Variants in ERC1 observed in about 807,000 individuals in gnomAD.
ERC1 encodes RAB6 interacting protein 2.
Under a neutral mutation model 132.0 loss-of-function variants are expected in ERC1, and 56 were observed. That is an observed-to-expected ratio of 0.42 (90% confidence interval 0.34 to 0.53). The LOEUF (loss-of-function observed/expected upper bound fraction) is 0.53. Among genes scored for constraint, ERC1 ranks in the 20% least tolerant of loss-of-function variants. The pLI, the probability that ERC1 is intolerant of heterozygous loss-of-function variation, is 0.03. For synonymous variants in ERC1, 478 were observed against 476.1 expected (o/e 1.00, Z -0.05); for missense variants, 1,202 against 1,349.9 (o/e 0.89, Z 1.72).
intron 15 of ERC1, among the ~76,000 whole-genome samples, chr12:1,342,526 G>A (rs997499401): frequency 2.6e-5 from 4 of 151,642 alleles, no homozygotes; most frequent in African/African-American, 9.7e-5. Context: ...GAGAAACCAT[G>A]GCAAAAGGTG....
At chr12:1,193,306 A>G (rs946527388) in intron 12 of ERC1, among the ~76,000 whole-genome samples, 2 of 152,168 alleles carry the variant, frequency 1.3e-5, no homozygotes, top group African/African-American at 4.8e-5. Context: ...GGATAAGCCC[A>G]TTAATACATC....
chr12:1,080,337 C>T (rs1450966916), intron 2 of ERC1, among the ~76,000 whole-genome samples: 3 of 152,264 alleles, frequency 2.0e-5, no homozygotes, highest in East Asian at 1.9e-4. Context: ...TTTATCAATT[C>T]GACTGCTCTA....
intron 14 of ERC1, among the ~76,000 whole-genome samples, chr12:1,283,933 A>G (rs943492752): frequency 6.6e-6 from 1 of 152,162 alleles, no homozygotes; most frequent in Non-Finnish European, 1.5e-5. Context: ...TCTTCTAGCT[A>G]TTTTGAAATT....
chr12:1,378,436 G>A (rs2088206407), intron 16 of ERC1, among the ~76,000 whole-genome samples: 1 of 152,062 alleles, frequency 6.6e-6, no homozygotes, highest in African/African-American at 2.4e-5. Flanking sequence ...CACCTTTTGG[G>A]ACTTATTCTG....
intron 13 of ERC1, among the ~76,000 whole-genome samples, chr12:1,252,909 T>C (rs1362702227): frequency 6.6e-6 from 1 of 152,172 alleles, no homozygotes; most frequent in Non-Finnish European, 1.5e-5. Flanking sequence ...TGTGTATATA[T>C]GCTTAGGGGA....
chr12:1,205,967 C>T (rs1471808105), intron 12 of ERC1, among the ~76,000 whole-genome samples: 1 of 152,082 alleles, frequency 6.6e-6, no homozygotes, highest in Admixed American at 6.5e-5. Flanking sequence ...TTGGTATATA[C>T]ATAATTCACT....
intron 14 of ERC1, among the ~76,000 whole-genome samples, chr12:1,264,220 A>G (rs28535515): frequency 0.3 from 44,904 of 152,004 alleles, 6,851 homozygotes; most frequent in Middle Eastern, 0.36. Flanking sequence ...CTTGTTTTAC[A>G]TATATCCTGC....
At chr12:1,030,462 C>T (rs530805921) in intron 2 of ERC1, among the ~76,000 whole-genome samples, 5 of 152,108 alleles carry the variant, frequency 3.3e-5, no homozygotes, top group Admixed American at 1.3e-4. Flanking sequence ...GTAGCTCGCA[C>T]CTGTACTCCC....
intron 3 of ERC1, among the ~76,000 whole-genome samples, chr12:1,099,253 G>A (rs1030210664): frequency 6.6e-6 from 1 of 152,138 alleles, no homozygotes; most frequent in Non-Finnish European, 1.5e-5. Flanking sequence ...AGGAGAGATA[G>A]CAGGTGTGGA....
At chr12:1,230,698 G>T (rs1321836371) in intron 12 of ERC1, among the ~76,000 whole-genome samples, 1 of 152,096 alleles carries the variant, frequency 6.6e-6, no homozygotes, top group African/African-American at 2.4e-5. Context: ...ATTGCTGTCT[G>T]TTTCTCCCTT....
At chr12:1,316,481 T>G (rs1054449079) in intron 15 of ERC1, among the ~76,000 whole-genome samples, 2 of 152,178 alleles carry the variant, frequency 1.3e-5, no homozygotes, top group African/African-American at 4.8e-5. Context: ...TTTTTATTAT[T>G]ATAAGAAACC....
intron 2 of ERC1, among the ~76,000 whole-genome samples, chr12:1,075,538 A>C (rs1038482917): frequency 6.6e-6 from 1 of 152,088 alleles, no homozygotes; most frequent in African/African-American, 2.4e-5. Context: ...TAAAAATACA[A>C]ACATTAGCCA....
chr12:1,053,582 G>C (rs1972418624), intron 2 of ERC1, among the ~76,000 whole-genome samples: 1 of 152,090 alleles, frequency 6.6e-6, no homozygotes, highest in South Asian at 2.1e-4. Flanking sequence ...AGCTTCAATT[G>C]TCCTCCCTCC....
chr12:1,315,237 G>T (rs1208334603), intron 15 of ERC1, among the ~76,000 whole-genome samples: 1 of 152,096 alleles, frequency 6.6e-6, no homozygotes, highest in African/African-American at 2.4e-5. Context: ...GGCTGATCTT[G>T]AACTCCTGAC....
intron 12 of ERC1, among the ~76,000 whole-genome samples, chr12:1,200,182 C>G (rs909331086): frequency 6.6e-6 from 1 of 152,010 alleles, no homozygotes; most frequent in South Asian, 2.1e-4. Flanking sequence ...TTTCATAAAT[C>G]TTCTAAAATG....
At chr12:1,398,057 C>G (rs377589487) in intron 16 of ERC1, among the ~76,000 whole-genome samples, 2 of 152,166 alleles carry the variant, frequency 1.3e-5, no homozygotes, top group South Asian at 2.1e-4. Flanking sequence ...AGTCACCACT[C>G]ACTGCAGCCT....
intron 7 of ERC1, among the ~76,000 whole-genome samples, chr12:1,121,677 A>ATCTATCTCTATCTCTATC (rs370783673): frequency 2.9e-3 from 24 of 8,164 alleles, no homozygotes; most frequent in Non-Finnish European, 7.3e-3. Flanking sequence ...CTCTATCTCT[A>ATCTATCTCTATCTCTATC]TCTATCTCTA....
At chr12:1,138,342 T>A (rs1357313514) in intron 7 of ERC1, among the ~76,000 whole-genome samples, 1 of 142,438 alleles carries the variant, frequency 7.0e-6, no homozygotes, top group East Asian at 2.0e-4. Flanking sequence ...ATATATGTTA[T>A]ATAATATATA....
In ERC1 at chr12:1,263,022, A is replaced by C. The variant is rs759356607; in HGVS notation, c.2488-12A>C. 2.5e-6 allele frequency: 4 copies of C among 1,613,266 alleles called. No homozygotes were observed. In the African/African-American group the frequency reaches 5.3e-5, roughly 22 times the overall value. ...ATTAATCCACTTCACCTAGTCTTCC[A>C]TCATTTTCTAGGACAGTCTCCGTAA... On this transcript the variant is annotated splice_polypyrimidine_tract_variant and intron_variant, in intron 13 of 18. Transcript: ENST00000360905.
Sources: gnomAD v4.1 joint callset for allele counts (sites outside exome capture counted in the v4.1 genomes callset) on GRCh38, gnomAD v4.1.1 for gene constraint, MANE v1.5 for transcripts, NCBI Gene and HGNC (gene_info 2026-07-23, HGNC 2026-07-21) for gene names.